The following DPP10 variants were observed in gnomAD, a reference collection of about 807,000 sequenced individuals.
The protein encoded by DPP10 is dipeptidyl peptidase like 10, also known as inactive dipeptidyl peptidase 10.
In DPP10, 33 loss-of-function variants were observed where a neutral mutation model predicts 120.9. That is an observed-to-expected ratio of 0.27 (90% CI 0.21 to 0.37). The LOEUF (loss-of-function observed/expected upper bound fraction) is 0.37. Ranked by LOEUF, DPP10 falls within the 10% of genes least tolerant of loss-of-function variation. DPP10 has a pLI of 1.00. For missense variants in DPP10, 816 were observed against 942.8 expected (o/e 0.87, Z 1.76); for synonymous variants, 337 against 326.1 (o/e 1.03, Z -0.36).
In DPP10 at chr2:114,944,418, C is replaced by T. The variant is rs144896517; in HGVS notation, c.61-364821C>T. 1.6e-4 allele frequency among the ~76,000 whole-genome samples: 25 copies of T among 152,210 alleles called. 1 individual carries two copies. The East Asian group carries it at 4.6e-3, about 28-fold the overall frequency. On this transcript the variant is annotated intron_variant, in intron 1 of 25. Coordinates refer to ENST00000410059, the MANE Select transcript of DPP10 (RefSeq NM_020868.6). The stretch of plus-strand genomic sequence containing the variant: ...CTGATACTAGTGAATTTGATTCATG[C>T]AGTTGTTTGTTAAACATCCACCTTT...
chr2:115,277,478 T>A (rs1454283490), intron 1 of DPP10, among the ~76,000 whole-genome samples: 4 of 94,614 alleles, frequency 4.2e-5, no homozygotes, highest in Admixed American at 1.2e-4. Flanking sequence ...TTTTTTTTTT[T>A]ACTGTAGTCA....
At chr2:115,824,056 C>T (rs191415600) in intron 21 of DPP10, among the ~76,000 whole-genome samples, 1 of 152,076 alleles carries the variant, frequency 6.6e-6, no homozygotes, top group South Asian at 2.1e-4. Context: ...ATATCTATAT[C>T]TAGCTAGCTA....
chr2:114,541,536 C>T (rs979395234), intron 1 of DPP10, among the ~76,000 whole-genome samples: 4 of 152,168 alleles, frequency 2.6e-5, no homozygotes, highest in Non-Finnish European at 2.9e-5. Flanking sequence ...ATCTTATACT[C>T]TAGCTTTCCT....
intron 5 of DPP10, among the ~76,000 whole-genome samples, chr2:115,646,768 C>G (rs534708462): frequency 6.6e-6 from 1 of 152,238 alleles, no homozygotes; most frequent in African/African-American, 2.4e-5. Context: ...ATTTCCTTCT[C>G]TTTAAATTGA....
At chr2:115,579,518 G>A (rs1406452124) in intron 5 of DPP10, 1 of 152,194 alleles carries the variant, frequency 6.6e-6, no homozygotes, top group Non-Finnish European at 1.5e-5. Context: ...CAATGTTTCT[G>A]TGTTTCCAAA....
At chr2:115,621,705 G>A (rs1180617772) in intron 5 of DPP10, among the ~76,000 whole-genome samples, 3 of 152,106 alleles carry the variant, frequency 2.0e-5, no homozygotes, top group Non-Finnish European at 4.4e-5. Flanking sequence ...TTGAGAGGGA[G>A]TTTCGCTCTT....
chr2:114,665,984 C>T (rs1697893091), intron 1 of DPP10, among the ~76,000 whole-genome samples: 1 of 152,188 alleles, frequency 6.6e-6, no homozygotes, highest in South Asian at 2.1e-4. Flanking sequence ...TCTTAATATA[C>T]AGCCCATCGG....
chr2:114,701,684 A>T (rs1001302804), intron 1 of DPP10, among the ~76,000 whole-genome samples: 1 of 152,122 alleles, frequency 6.6e-6, no homozygotes, highest in Non-Finnish European at 1.5e-5. Context: ...ATCGAAACCC[A>T]GGAAAAACGA....
chr2:115,395,598 C>G (rs1382549706), intron 3 of DPP10, among the ~76,000 whole-genome samples: 2 of 152,140 alleles, frequency 1.3e-5, no homozygotes, highest in Non-Finnish European at 2.9e-5. Context: ...GTTTCTTTCT[C>G]CAGTGAAGAC....
At chr2:115,039,780 T>G (rs1704497080) in intron 1 of DPP10, among the ~76,000 whole-genome samples, 1 of 152,098 alleles carries the variant, frequency 6.6e-6, no homozygotes, top group African/African-American at 2.4e-5. Context: ...CACAAAGAAA[T>G]GTATACACCC....
chr2:115,269,159 AAAAG>A (rs2059588052), intron 1 of DPP10, among the ~76,000 whole-genome samples: 1 of 152,216 alleles, frequency 6.6e-6, no homozygotes, highest in African/African-American at 2.4e-5. Context: ...AGAAAAAAAG[AAAAG>A]AAACAGAAGC....
chr2:114,866,561 G>C (rs2106548690), intron 1 of DPP10, among the ~76,000 whole-genome samples: 1 of 152,284 alleles, frequency 6.6e-6, no homozygotes, highest in African/African-American at 2.4e-5. Flanking sequence ...TAATTCTCAT[G>C]ATGGCTCTAT....
At chr2:114,987,153 C>T (rs1011345228) in intron 1 of DPP10, among the ~76,000 whole-genome samples, 1 of 152,104 alleles carries the variant, frequency 6.6e-6, no homozygotes, top group African/African-American at 2.4e-5. Flanking sequence ...TTGAACTATA[C>T]ACTTATATCA....
intron 1 of DPP10, among the ~76,000 whole-genome samples, chr2:115,182,892 C>T (rs1419995071): frequency 1.3e-5 from 2 of 152,050 alleles, no homozygotes; most frequent in Non-Finnish European, 2.9e-5. Context: ...AATGTAGGAA[C>T]CAGGATGTCC....
At chr2:115,767,536 A>G (rs1273767211) in intron 12 of DPP10, among the ~76,000 whole-genome samples, 3 of 151,668 alleles carry the variant, frequency 2.0e-5, no homozygotes, top group Non-Finnish European at 2.9e-5. Flanking sequence ...ACATAAATAT[A>G]TATAGTGTGT....
chr2:114,874,293 C>T (rs1018205904), intron 1 of DPP10, among the ~76,000 whole-genome samples: 10 of 152,094 alleles, frequency 6.6e-5, no homozygotes, highest in Admixed American at 1.3e-4. Flanking sequence ...ATCAACTGCT[C>T]GAGATCACAA....
intron 1 of DPP10, among the ~76,000 whole-genome samples, chr2:114,528,675 G>A (rs1441841738): frequency 6.6e-6 from 1 of 150,658 alleles, no homozygotes; most frequent in African/African-American, 2.4e-5. Flanking sequence ...AGATGGTCTT[G>A]AATATACTTC....
chr2:115,648,420 G>C (rs978624072), intron 5 of DPP10, among the ~76,000 whole-genome samples: 1 of 151,936 alleles, frequency 6.6e-6, no homozygotes, highest in African/African-American at 2.4e-5. Context: ...CAGATTTTAA[G>C]TGTTCTCAAC....
At chr2:115,385,510 C>T (rs1026702481) in intron 3 of DPP10, among the ~76,000 whole-genome samples, 1 of 152,114 alleles carries the variant, frequency 6.6e-6, no homozygotes, top group Non-Finnish European at 1.5e-5. Flanking sequence ...CGCCCGCCAC[C>T]ATGCTCGGCT....
Sources: allele counts gnomAD v4.1 joint callset (sites outside exome capture counted in the v4.1 genomes callset), GRCh38; gene constraint gnomAD v4.1.1; transcripts MANE v1.5; gene names NCBI Gene and HGNC (gene_info 2026-07-23, HGNC 2026-07-21).